Variants in SLC9A2 observed in about 807,000 individuals in gnomAD.
SLC9A2 encodes the protein solute carrier family 9 member A2, also known as sodium/hydrogen exchanger 2.
A neutral mutation model predicts 71.7 loss-of-function variants in SLC9A2; 42 were observed. The observed-to-expected ratio is 0.59, with a 90% CI of 0.46 to 0.76. The LOEUF is 0.76. SLC9A2 is among the 30% of genes least tolerant of loss of function. The pLI is 0.00. For missense variants in SLC9A2, 829 were observed against 1,017.4 expected (o/e 0.81, Z 2.52); for synonymous variants, 396 against 392.5 (o/e 1.01, Z -0.10).
At chr2:102,662,930 G>A (rs1677074514) in intron 2 of SLC9A2, among the ~76,000 whole-genome samples, 1 of 152,308 alleles carries the variant, frequency 6.6e-6, no homozygotes, top group South Asian at 2.1e-4. Flanking sequence ...ACAGAACTGT[G>A]GTGCCTGAGT....
At chr2:102,622,102 T>C (rs972064194) in intron 1 of SLC9A2, among the ~76,000 whole-genome samples, 2 of 152,336 alleles carry the variant, frequency 1.3e-5, no homozygotes, top group South Asian at 2.1e-4. Context: ...TAGTTGAGTG[T>C]CTTAATTCCA....
In SLC9A2 at chr2:102,657,214, A is replaced by AT. The variant is rs1275161037; in HGVS notation, c.290-350_290-349insT. 6.6e-3 allele frequency among the ~76,000 whole-genome samples: 999 copies of AT among 151,554 alleles called. 10 individuals carry two copies. The highest frequency in any genetic ancestry group is 0.024 in the African/African-American group (970 of 41,276). ...GAGCAAGACTCCATCTCAAAAAAAA[A>AT]AATAATAATAATAATAATAAAATTG... is the stretch of plus-strand genomic sequence containing the variant. On this transcript the variant is annotated intron_variant, in intron 1 of 11. Coordinates refer to ENST00000233969, the MANE Select transcript of SLC9A2 (RefSeq NM_003048.6).
intron 1 of SLC9A2, among the ~76,000 whole-genome samples, chr2:102,626,361 C>G (rs1270792170): frequency 6.6e-6 from 1 of 152,194 alleles, no homozygotes; most frequent in Non-Finnish European, 1.5e-5. Flanking sequence ...GGAAAACTGG[C>G]TAGCCATATT....
intron 3 of SLC9A2, among the ~76,000 whole-genome samples, chr2:102,672,060 G>T (rs767243333): frequency 1.5e-4 from 23 of 152,094 alleles, no homozygotes; most frequent in Non-Finnish European, 2.2e-4. Flanking sequence ...AGTGAGCCGA[G>T]ATTGAGCCAC....
rs767088088 is a variant in SLC9A2 at position 102,683,337 on chromosome 2, T to C, written c.1081T>C (p.Tyr361His). Residue 361 changes from tyrosine to histidine, a missense_variant, in exon 4 of 12, where the codon TAC becomes CAC. Tyr to His is a moderately conservative substitution (Grantham distance 83). This residue lies in a region of SLC9A2 where 500 missense variants were observed against 726.3 expected (regional missense o/e 0.69). Coordinates refer to ENST00000233969, the MANE Select transcript of SLC9A2 (RefSeq NM_003048.6). The stretch of plus-strand genomic sequence containing the variant: ...TCAGAAATCCTACACGACCATCAAG[T>C]ACTTCATGAAGATGCTGAGCAGTGT... ...VSQKSYTTIK[Y>H]FMKMLSSVSE... The C allele has an allele frequency of 6.2e-7, 1 of 1,614,108 alleles. No homozygotes were observed. The highest frequency in any genetic ancestry group is 8.5e-7 in the Non-Finnish European group (1 of 1,179,922).
Position 102,620,131 on chromosome 2 carries a change from A to G in SLC9A2, c.283A>G (p.Lys95Glu). 2 of 1,601,536 alleles carry G rather than the reference A, an allele frequency of 1.2e-6. No individual in the cohort carries two copies. The highest frequency in any genetic ancestry group is 2.2e-5 in the South Asian group (2 of 90,238). ...TTGGATCCTGCTGGCCTCCCTGGCC[A>G]AGATTGGTGAGCGAACTGGACTTGT... ...TLWILLASLA[K>E]IGFHLYHKLP... Residue 95 changes from lysine (K) to glutamate (E), a missense_variant, in exon 1 of 12, where the codon AAG becomes GAG. Transcript: ENST00000233969.
chr2:102,620,218 C>G (rs1676108861), intron 1 of SLC9A2, 81 bp downstream of exon 1: 2 of 1,282,476 alleles, frequency 1.6e-6, no homozygotes, highest in Non-Finnish European at 2.2e-6. Context: ...AGCCAGCTGA[C>G]CTCTAGATAG....
rs866616267 is a variant in SLC9A2 at position 102,695,667 on chromosome 2, A to G, written c.1586+554A>G. Among the ~76,000 whole-genome samples, 20 of 150,198 alleles carry G rather than the reference A, an allele frequency of 1.3e-4. No homozygotes were observed. In the South Asian group the frequency reaches 1.9e-3, roughly 14 times the overall value. ...TTGGCTGAAAACTAGGGCTTCCATT[A>G]CTATCCATTTTGCCACACATGGTGG... On this transcript the variant is annotated intron_variant, in intron 7 of 11. Coordinates refer to ENST00000233969, the MANE Select transcript of SLC9A2 (RefSeq NM_003048.6).
intron 10 of SLC9A2, 43 bp downstream of exon 10, chr2:102,704,718 C>T (rs188146321): frequency 9.4e-6 from 15 of 1,589,534 alleles, no homozygotes; most frequent in Middle Eastern, 1.7e-4. Context: ...GGGGTGGAGC[C>T]GACAGCTATT....
intron 4 of SLC9A2, 88 bp from the exon 5 acceptor site, chr2:102,684,046 C>A: frequency 1.1e-6 from 1 of 941,074 alleles, no homozygotes; most frequent in Non-Finnish European, 1.7e-6. Flanking sequence ...CCTTTGTCCC[C>A]ATCGCAGAAG....
In SLC9A2 at chr2:102,695,128, T is replaced by C; in HGVS notation, c.1586+15T>C. The stretch of plus-strand genomic sequence containing the variant: ...TGGAGAGACAAGTAAGAAGGTCTTA[T>C]GCCATTGGGTTATGAAGTGGCCCAG... On this transcript the variant is annotated intron_variant, in intron 7 of 11. Coordinates refer to ENST00000233969, the MANE Select transcript of SLC9A2 (RefSeq NM_003048.6). 2 of 1,600,830 alleles carry C rather than the reference T, an allele frequency of 1.2e-6. No individual in the cohort carries two copies. The highest frequency in any genetic ancestry group is 1.1e-5 in the South Asian group (1 of 90,706).
At chr2:102,660,261 G>A (rs1047373975) in intron 2 of SLC9A2, among the ~76,000 whole-genome samples, 1 of 152,176 alleles carries the variant, frequency 6.6e-6, no homozygotes, top group Non-Finnish European at 1.5e-5. Flanking sequence ...TCAGAAGAAG[G>A]GCACAGACAG....
chr2:102,703,307 C>T (rs1677910613), intron 9 of SLC9A2, among the ~76,000 whole-genome samples: 1 of 152,178 alleles, frequency 6.6e-6, no homozygotes, highest in South Asian at 2.1e-4. Context: ...TTTCCAAGTT[C>T]CACTTTATCC....
chr2:102,696,226 T>G (rs551287716), intron 7 of SLC9A2, among the ~76,000 whole-genome samples: 1 of 152,260 alleles, frequency 6.6e-6, no homozygotes, highest in African/African-American at 2.4e-5. Flanking sequence ...AAGGCCCTTT[T>G]TTTTCATAGA....
intron 2 of SLC9A2, among the ~76,000 whole-genome samples, chr2:102,661,022 A>C (rs868087708): frequency 6.6e-6 from 1 of 152,240 alleles, no homozygotes; most frequent in South Asian, 2.1e-4. Context: ...GTCTCAAAGC[A>C]AAAGAAATGC....
At position 102,686,473 on chromosome 2, in the gene SLC9A2, G is replaced by A. The variant is rs984316923; in HGVS notation, c.1425+2137G>A. The A allele has an allele frequency of 5.9e-5, 9 of 152,312 alleles. No individual in the cohort carries two copies. In the East Asian group the frequency reaches 1.5e-3, roughly 26 times the overall value. 9.4% of individuals were successfully genotyped at this position (152,312 alleles called of 1,614,324 possible). On this transcript the variant is annotated intron_variant, in intron 5 of 11. Coordinates refer to ENST00000233969, the MANE Select transcript of SLC9A2 (RefSeq NM_003048.6). Reference sequence around the variant, plus strand: ...TGCCTTCCAACACTGAGGACACTGAGTTCTCTGGAATCCTGAAGAAGACCC... The same window carrying A: ...TGCCTTCCAACACTGAGGACACTGAATTCTCTGGAATCCTGAAGAAGACCC...
intron 1 of SLC9A2, among the ~76,000 whole-genome samples, chr2:102,622,144 C>T (rs1676152261): frequency 1.3e-5 from 2 of 152,078 alleles, no homozygotes; most frequent in Non-Finnish European, 2.9e-5. Flanking sequence ...ATGGGCTTCC[C>T]CACCTATAAA....
At chr2:102,651,876 G>A (rs896538026) in intron 1 of SLC9A2, among the ~76,000 whole-genome samples, 3 of 152,308 alleles carry the variant, frequency 2.0e-5, no homozygotes, top group East Asian at 3.9e-4. Flanking sequence ...TATTCTTGAT[G>A]TATAAAGGTT....
intron 1 of SLC9A2, among the ~76,000 whole-genome samples, chr2:102,650,857 C>T (rs878969119): frequency 2.6e-5 from 4 of 152,154 alleles, no homozygotes; most frequent in African/African-American, 9.7e-5. Context: ...CTAGTGCTCC[C>T]TAGAAATCGT....
Sources: gnomAD v4.1 joint callset for allele counts (sites outside exome capture counted in the v4.1 genomes callset) on GRCh38, gnomAD v4.1.1 for gene constraint, gnomAD v4.1.1 regional missense constraint, MANE v1.5 for transcripts, NCBI Gene and HGNC (gene_info 2026-07-23, HGNC 2026-07-21) for gene names.